Variants in MGAT4C observed in about 807,000 individuals in gnomAD.
The protein encoded by MGAT4C is alpha-1,3-mannosyl-glycoprotein 4-beta-N-acetylglucosaminyltransferase C.
Under a neutral mutation model 40.1 loss-of-function variants are expected in MGAT4C, and 19 were observed. The observed-to-expected ratio is 0.47, with a 90% confidence interval of 0.33 to 0.70. MGAT4C has a LOEUF of 0.70. MGAT4C is among the 30% of genes least tolerant of loss of function. The probability of loss-of-function intolerance (pLI) is 0.02; values close to 1 mark genes in which losing one functional copy is unlikely to be tolerated. For synonymous variants in MGAT4C, 181 were observed against 187.1 expected, an observed-to-expected ratio of 0.97 and a Z score of 0.27; for missense variants, 491 against 563.2, an observed-to-expected ratio of 0.87 and a Z score of 1.30.
At chr12:86,829,180 G>A (rs893459952) in intron 1 of MGAT4C, among the ~76,000 whole-genome samples, 3 of 151,484 alleles carry the variant, frequency 2.0e-5, no homozygotes, top group Admixed American at 6.6e-5. Context: ...CACAATAGTA[G>A]ATTTAAAATA....
chr12:85,961,719 G>A lies in MGAT4C; in HGVS notation c.*17570C>T, dbSNP rs898353113. 1 of 151,810 alleles carries A rather than the reference G, an allele frequency of 6.6e-6. No homozygotes were observed. Among genetic ancestry groups the A allele is most frequent in the African/African-American group, 2.4e-5 (1 of 41,422 alleles). 9.4% of individuals were successfully genotyped at this position (151,810 alleles called of 1,614,324 possible). ...GAATTTTTCTGGCCTAACCTTGTTG[G>A]CATGAGAGTTCCCACTTTGTATTAT... On this transcript the variant is annotated 3_prime_UTR_variant, in exon 5 of 5. Transcript: ENST00000611864.
chr12:86,422,125 C>T (rs1246688847), intron 3 of MGAT4C, among the ~76,000 whole-genome samples: 1 of 152,076 alleles, frequency 6.6e-6, no homozygotes, highest in African/African-American at 2.4e-5. Context: ...TCAAGGGGGA[C>T]CCACAACTCT....
intron 1 of MGAT4C, among the ~76,000 whole-genome samples, chr12:86,747,141 T>C (rs1053500468): frequency 6.6e-6 from 1 of 151,662 alleles, no homozygotes; most frequent in Non-Finnish European, 1.5e-5. Context: ...CATCCTCCAG[T>C]GCTCCTTATC....
chr12:86,117,656 C>T (rs1447103527), intron 1 of MGAT4C, among the ~76,000 whole-genome samples: 1 of 152,140 alleles, frequency 6.6e-6, no homozygotes, highest in Non-Finnish European at 1.5e-5. Context: ...AAGAACTGCA[C>T]TGGTAATGAG....
chr12:86,309,907 A>G (rs1356709919), intron 4 of MGAT4C, among the ~76,000 whole-genome samples: 1 of 152,196 alleles, frequency 6.6e-6, no homozygotes, highest in African/African-American at 2.4e-5. Context: ...AGTGTGCACT[A>G]AAAATAATTT....
chr12:86,067,208 G>T (rs897496281), intron 1 of MGAT4C, among the ~76,000 whole-genome samples: 1 of 152,112 alleles, frequency 6.6e-6, no homozygotes, highest in Non-Finnish European at 1.5e-5. Context: ...TTATTACTGG[G>T]TATATACCCA....
At chr12:86,288,395 G>T (rs902202802) in intron 4 of MGAT4C, among the ~76,000 whole-genome samples, 2 of 151,990 alleles carry the variant, frequency 1.3e-5, no homozygotes, top group Non-Finnish European at 2.9e-5. Flanking sequence ...CATTACTTTT[G>T]GTGTTTTAGT....
chr12:86,562,336 G>C (rs11503294), intron 2 of MGAT4C, among the ~76,000 whole-genome samples: 5,195 of 152,190 alleles, frequency 0.034, 149 homozygotes, highest in Middle Eastern at 0.085. Context: ...CTGTTAAAGT[G>C]AGGGCACTGG....
intron 4 of MGAT4C, among the ~76,000 whole-genome samples, chr12:86,325,550 G>A (rs570061894): frequency 1.1e-4 from 16 of 152,226 alleles, no homozygotes; most frequent in African/African-American, 3.6e-4. Context: ...TATCTGTAAG[G>A]TGGGTAAAAG....
In MGAT4C at chr12:85,962,516, G is replaced by A. The variant is rs1306999535; in HGVS notation, c.*16773C>T. 6.7e-6 allele frequency: 1 copy of A among 149,312 alleles called. No homozygotes were observed. The highest frequency in any genetic ancestry group is 1.5e-5 in the Non-Finnish European group (1 of 67,170). The allele number at this position is 149,312 out of a possible 1,614,324, so 9.2% of individuals were successfully genotyped here. On this transcript the variant is annotated 3_prime_UTR_variant, in exon 5 of 5. Coordinates refer to ENST00000611864, the MANE Select transcript of MGAT4C (RefSeq NM_001351288.2). ...TCCTCACAACAATTCAACATGATAT[G>A]TATGGTTATTACTAAATGTATAATA...
chr12:86,608,800 T>TATG (rs986044604), intron 2 of MGAT4C, among the ~76,000 whole-genome samples: 3 of 152,184 alleles, frequency 2.0e-5, no homozygotes, highest in African/African-American at 7.2e-5. Context: ...GATGTCTATG[T>TATG]ATGATGTTGA....
At chr12:86,529,003 A>C (rs1228331100) in intron 2 of MGAT4C, among the ~76,000 whole-genome samples, 4 of 152,068 alleles carry the variant, frequency 2.6e-5, no homozygotes, top group Non-Finnish European at 5.9e-5. Flanking sequence ...GAATATTCAA[A>C]GTAAAATACA....
intron 1 of MGAT4C, among the ~76,000 whole-genome samples, chr12:86,152,139 C>T (rs1352979373): frequency 6.6e-6 from 1 of 152,204 alleles, no homozygotes; most frequent in Non-Finnish European, 1.5e-5. Flanking sequence ...CCTTCCAAAT[C>T]CCTGTAATTT....
At chr12:86,071,695 C>A (rs1260547676) in intron 1 of MGAT4C, among the ~76,000 whole-genome samples, 1 of 152,092 alleles carries the variant, frequency 6.6e-6, no homozygotes, top group Non-Finnish European at 1.5e-5. Flanking sequence ...ATCTAATCAT[C>A]TCAACAATTG....
chr12:86,725,697 A>G (rs375833936), intron 2 of MGAT4C, among the ~76,000 whole-genome samples: 12 of 152,086 alleles, frequency 7.9e-5, no homozygotes, highest in African/African-American at 2.9e-4. Flanking sequence ...TCCTGAGCTC[A>G]GGAAATCTGC....
intron 3 of MGAT4C, among the ~76,000 whole-genome samples, chr12:86,368,268 C>G (rs1434824296): frequency 1.3e-5 from 2 of 152,208 alleles, no homozygotes; most frequent in East Asian, 3.9e-4. Context: ...AAATGCCTGT[C>G]TAGCTAGGGA....
intron 2 of MGAT4C, among the ~76,000 whole-genome samples, chr12:86,033,615 T>G (rs1890959347): frequency 6.7e-6 from 1 of 149,820 alleles, no homozygotes; most frequent in African/African-American, 2.4e-5. Context: ...ATCCTGAAAC[T>G]TTGCTGAAGT....
chr12:86,032,876 T>C (rs1890890226), intron 2 of MGAT4C, among the ~76,000 whole-genome samples: 1 of 149,962 alleles, frequency 6.7e-6, no homozygotes, highest in Admixed American at 6.7e-5. Context: ...TAGGTTATCT[T>C]CTATAGTTTA....
intron 3 of MGAT4C, among the ~76,000 whole-genome samples, chr12:86,359,985 C>T (rs1290374817): frequency 3.3e-5 from 5 of 152,112 alleles, no homozygotes; most frequent in Admixed American, 6.6e-5. Flanking sequence ...TTTTATGAGG[C>T]CAGCATCATC....
Sources: gnomAD v4.1 joint callset for allele counts (sites outside exome capture counted in the v4.1 genomes callset) on GRCh38, gnomAD v4.1.1 for gene constraint, MANE v1.5 for transcripts, NCBI Gene and HGNC (gene_info 2026-07-23, HGNC 2026-07-21) for gene names.